EXT2: variants seen among roughly 807,000 people sequenced by gnomAD.
EXT2 encodes exostosin-2.
A neutral mutation model predicts 81.6 loss-of-function variants in EXT2; 53 were observed. That is an observed-to-expected ratio of 0.65 (90% confidence interval 0.52 to 0.82). EXT2 has a LOEUF of 0.82. Ranked by LOEUF, EXT2 falls within the 40% of genes least tolerant of loss-of-function variation. The pLI, the probability that EXT2 is intolerant of heterozygous loss-of-function variation, is 0.00. For synonymous variants in EXT2, 320 were observed against 340.0 expected (o/e 0.94, Z 0.65); for missense variants, 774 against 910.2 (o/e 0.85, Z 1.93).
At chr11:44,190,985 C>CCCTTTGAACTGGTAGCT (rs1336646824) in intron 8 of EXT2, among the ~76,000 whole-genome samples, 1 of 152,128 alleles carries the variant, frequency 6.6e-6, no homozygotes, top group Non-Finnish European at 1.5e-5. Flanking sequence ...AAGGGGAAAC[C>CCCTTTGAACTGGTAGCT]CCTTTGAACT....
chr11:44,157,452 C>G lies in EXT2; in HGVS notation c.1174-14159C>G, dbSNP rs541381384. 1.9e-4 allele frequency among the ~76,000 whole-genome samples: 29 copies of G among 152,332 alleles called. 1 individual carries two copies. In the South Asian group the frequency reaches 6.0e-3, roughly 32 times the overall value. ...CTGGCATCCAAGCTGCAAGTCCTTCCCACTTTTCCCTCTCCTTTCCACATG... is the reference window on the plus strand; with the variant it reads ...CTGGCATCCAAGCTGCAAGTCCTTCGCACTTTTCCCTCTCCTTTCCACATG... On this transcript the variant is annotated intron_variant, in intron 7 of 13. Coordinates refer to ENST00000533608, the MANE Select transcript of EXT2 (RefSeq NM_207122.2).
At chr11:44,216,552 G>A (rs918904460) in intron 10 of EXT2, among the ~76,000 whole-genome samples, 1 of 152,160 alleles carries the variant, frequency 6.6e-6, no homozygotes, top group Admixed American at 6.5e-5. Context: ...ATTTCGTTCA[G>A]GATTCTAATG....
At chr11:44,109,087 C>A (rs1416604305) in intron 2 of EXT2, 107 bp from the exon 3 acceptor site, 2 of 1,118,918 alleles carry the variant, frequency 1.8e-6, no homozygotes, top group East Asian at 2.4e-5. Flanking sequence ...ACCTGAGAAG[C>A]GGCCCTATTT....
intron 7 of EXT2, among the ~76,000 whole-genome samples, chr11:44,141,334 G>A (rs1954643142): frequency 6.6e-6 from 1 of 152,084 alleles, no homozygotes; most frequent in African/African-American, 2.4e-5. Context: ...TTTTTGATCT[G>A]TGATTGGTTG....
At chr11:44,177,796 T>C (rs921653827) in intron 8 of EXT2, among the ~76,000 whole-genome samples, 1 of 152,290 alleles carries the variant, frequency 6.6e-6, no homozygotes. Context: ...CTGCATTTAC[T>C]TTACCAGATT....
intron 9 of EXT2, among the ~76,000 whole-genome samples, chr11:44,201,046 G>A (rs185248785): frequency 1.3e-5 from 2 of 152,248 alleles, no homozygotes; most frequent in African/African-American, 4.8e-5. Flanking sequence ...ATTCTGCAAC[G>A]CATTTGAAAA....
At chr11:44,201,668 A>G (rs1425004995) in intron 9 of EXT2, among the ~76,000 whole-genome samples, 1 of 152,206 alleles carries the variant, frequency 6.6e-6, no homozygotes. Context: ...GATCTTTGTC[A>G]GGGACTCAGA....
At chr11:44,209,209 G>A (rs570330809) in intron 10 of EXT2, among the ~76,000 whole-genome samples, 1 of 152,324 alleles carries the variant, frequency 6.6e-6, no homozygotes, top group East Asian at 1.9e-4. Context: ...GTTGGGTTCA[G>A]AGCACTCTGT....
In EXT2 at chr11:44,119,428, T is replaced by C. The variant is rs1353448887; in HGVS notation, c.743+5127T>C. On this transcript the variant is annotated intron_variant, in intron 4 of 13. Coordinates refer to ENST00000533608, the MANE Select transcript of EXT2 (RefSeq NM_207122.2). The stretch of plus-strand genomic sequence containing the variant: ...CCCTCTTCCAGTGCGGTGCACAAGA[T>C]GTTCTCAGTTCCCTCAGCAGCAAGC... 2.6e-5 allele frequency among the ~76,000 whole-genome samples: 4 copies of C among 152,168 alleles called. No homozygotes were observed. The East Asian group carries it at 7.7e-4, about 29-fold the overall frequency.
At chr11:44,136,845 T>C (rs1954576970) in intron 7 of EXT2, among the ~76,000 whole-genome samples, 1 of 152,154 alleles carries the variant, frequency 6.6e-6, no homozygotes, top group Non-Finnish European at 1.5e-5. Flanking sequence ...CCTTAAACAG[T>C]GCACATTGAC....
At chr11:44,140,123 AGTTTGTGCTTTC>A (rs1954625791) in intron 7 of EXT2, among the ~76,000 whole-genome samples, 1 of 152,202 alleles carries the variant, frequency 6.6e-6, no homozygotes, top group Non-Finnish European at 1.5e-5. Flanking sequence ...TTCCACTGGC[AGTTTGTGCTTTC>A]ACGCTTCAGC....
At chr11:44,096,493 G>GCT (rs1026436564) in intron 1 of EXT2, among the ~76,000 whole-genome samples, 4 of 152,096 alleles carry the variant, frequency 2.6e-5, no homozygotes, top group African/African-American at 9.7e-5. Flanking sequence ...GTTAGGCAGG[G>GCT]GACTGGGTGG....
At chr11:44,120,933 A>T (rs149134874) in intron 4 of EXT2, among the ~76,000 whole-genome samples, 1 of 152,366 alleles carries the variant, frequency 6.6e-6, no homozygotes, top group East Asian at 1.9e-4. Context: ...CATGAAAGCT[A>T]TAGCTAGTCA....
intron 4 of EXT2, chr11:44,116,969 CTTT>C (rs555225810): frequency 8.0e-5 from 11 of 137,560 alleles, no homozygotes; most frequent in Non-Finnish European, 1.3e-4. Flanking sequence ...TTTTCACTTT[CTTT>C]TTTTTTTTTT....
intron 7 of EXT2, among the ~76,000 whole-genome samples, chr11:44,131,827 G>C (rs1275406126): frequency 6.6e-6 from 1 of 152,050 alleles, no homozygotes; most frequent in Non-Finnish European, 1.5e-5. Context: ...AACCTCTGCC[G>C]CCAGGGTTCT....
chr11:44,096,320 A>G (rs1953895310), intron 1 of EXT2: 1 of 1,534,794 alleles, frequency 6.5e-7, no homozygotes, highest in East Asian at 2.4e-5. Flanking sequence ...CCGTGGGACG[A>G]GGTAGGGAAG....
At chr11:44,156,194 C>T (rs1193349743) in intron 7 of EXT2, among the ~76,000 whole-genome samples, 2 of 152,050 alleles carry the variant, frequency 1.3e-5, no homozygotes, top group East Asian at 1.9e-4. Flanking sequence ...TATTAAATGA[C>T]TTGAGATAGT....
rs760413159 is a variant in EXT2, at chr11:44,171,764, C to T, written c.1305+22C>T. On this transcript the variant is annotated intron_variant, in intron 8 of 13. Transcript: ENST00000533608. ...TGTGGTAAGTGAATTCCAGTGCTAG[C>T]CACATGAGGCATGGTCCAGCTGTCA... The T allele has an allele frequency of 8.7e-6, 14 of 1,613,522 alleles. No individual in the cohort carries two copies. The South Asian group carries it at 1.5e-4, about 18-fold the overall frequency.
chr11:44,126,824 T>C lies in EXT2; in HGVS notation c.948T>C (p.Thr316=), dbSNP rs768386888. 3 of 1,614,220 alleles carry C rather than the reference T, an allele frequency of 1.9e-6. No homozygotes were observed. The highest frequency in any genetic ancestry group is 2.5e-6 in the Non-Finnish European group (3 of 1,180,040). Residue 316 remains threonine (T), a synonymous_variant, in exon 6 of 14, where the codon ACT becomes ACC. Coordinates refer to ENST00000533608, the MANE Select transcript of EXT2 (RefSeq NM_207122.2). ...TCTTTGTGTTCCTGCAGGAGGCTAC[T>C]TTCTGTGTGGTTCTTCGTGGAGCTC... The part of the protein sequence containing the change: ...FDYPQVLQEA[T]FCVVLRGARL...
Sources: allele counts gnomAD v4.1 joint callset (sites outside exome capture counted in the v4.1 genomes callset), GRCh38; gene constraint gnomAD v4.1.1; transcripts MANE v1.5; gene names NCBI Gene and HGNC (gene_info 2026-07-23, HGNC 2026-07-21).